AHNAK2: variants seen among roughly 807,000 people sequenced by gnomAD.
AHNAK2 encodes AHNAK nucleoprotein 2.
AHNAK2 carries 18 observed loss-of-function variants against 30.7 expected under a neutral mutation model. The ratio of observed to expected loss-of-function variants is 0.59; its 90% CI spans 0.41 to 0.87. The LOEUF (loss-of-function observed/expected upper bound fraction) is 0.87, where lower values mean the gene tolerates loss of function less well. Among genes scored for constraint, AHNAK2 ranks in the 40% least tolerant of loss-of-function variants. AHNAK2 has a pLI of 0.00. For missense variants in AHNAK2, 8,604 were observed against 7,373.0 expected (o/e 1.17, Z -6.11); for synonymous variants, 3,590 against 3,073.8 (o/e 1.17, Z -5.56).
Position 104,941,628 on chromosome 14 carries a change from G to C in AHNAK2, c.13823C>G (p.Ala4608Gly), listed in dbSNP as rs369348146. 2 of 1,613,426 alleles carry C rather than the reference G, an allele frequency of 1.2e-6. No individual in the cohort carries two copies. Among genetic ancestry groups the C allele is most frequent in the Middle Eastern group, 1.7e-4 (1 of 6,060 alleles). ...VQAPGSMLDGARLEGDLSLAH... is the reference protein window; with the variant it reads ...VQAPGSMLDGGRLEGDLSLAH... The stretch of plus-strand genomic sequence containing the variant: ...CAGGGACAGGTCCCCCTCAAGCCGC[G>C]CACCATCCAGCATGGATCCTGGGGC... The change falls in exon 7 of 7, where the codon GCG becomes GGG. Residue 4608 changes from alanine to glycine, a missense_variant. Coordinates refer to ENST00000333244, the MANE Select transcript of AHNAK2 (RefSeq NM_138420.4).
chr14:104,964,089 A>T (rs180874034), intron 1 of AHNAK2, among the ~76,000 whole-genome samples: 2 of 152,354 alleles, frequency 1.3e-5, no homozygotes, highest in East Asian at 3.9e-4. Flanking sequence ...TACCTGCAAT[A>T]CATTTACCAA....
Position 104,949,820 on chromosome 14 carries a change from A to G in AHNAK2, c.5631T>C (p.Ser1877=), listed in dbSNP as rs201221327. 894 of 1,583,496 alleles carry G rather than the reference A, an allele frequency of 5.6e-4. 100 individuals are homozygous for G. The African/African-American group carries it at 9.8e-3, about 17-fold the overall frequency. ...KTTDLCIPLP[S]ADLVVQAGQV... ...GGCCAGCCTGGACCACCAGGTCTGCAGAAGGGAGCGGAATGCAGAGGTCCG... is the reference window on the plus strand; with the variant it reads ...GGCCAGCCTGGACCACCAGGTCTGCGGAAGGGAGCGGAATGCAGAGGTCCG... The change falls in exon 7 of 7, where the codon TCT becomes TCC. Residue 1877 remains serine, a synonymous_variant. Coordinates refer to ENST00000333244, the MANE Select transcript of AHNAK2 (RefSeq NM_138420.4).
Position 104,938,520 on chromosome 14 carries a change from A to T in AHNAK2, c.16931T>A (p.Leu5644Gln). The change falls in exon 7 of 7, where the codon CTG becomes CAG. Residue 5644 changes from leucine (L) to glutamine (Q), a missense_variant. Coordinates refer to ENST00000333244, the MANE Select transcript of AHNAK2 (RefSeq NM_138420.4). ...AATGTTTGGAAGCCAAAACCAGAGC[A>T]GACCAGATTTTTTACTTTCTGGTTT... is the stretch of plus-strand genomic sequence containing the variant. ...KDKPESKKSGLLWFWLPNIGF... is the reference protein window; with the variant it reads ...KDKPESKKSGQLWFWLPNIGF... The T allele has an allele frequency of 6.2e-7, 1 of 1,613,658 alleles. No individual in the cohort carries two copies. Among genetic ancestry groups the T allele is most frequent in the Non-Finnish European group, 8.5e-7 (1 of 1,179,794 alleles).
At position 104,946,429 on chromosome 14, in the gene AHNAK2, C is replaced by T. The variant is rs533762807; in HGVS notation, c.9022G>A (p.Val3008Met). The stretch of plus-strand genomic sequence containing the variant: ...GAGGGGAGGCTCACTTCGGCCTCCA[C>T]CTTCGGCGCAGACACATCCACCGAG... ...EVSVDVSAPK[V>M]EAEVSLPSMQ... Residue 3008 changes from valine to methionine, a missense_variant, in exon 7 of 7, where the codon GTG (valine) becomes ATG (methionine). Val to Met is a conservative substitution (Grantham distance 21). Transcript: ENST00000333244. 8.7e-6 allele frequency: 14 copies of T among 1,612,390 alleles called. No individual in the cohort carries two copies. In the East Asian group the frequency reaches 1.3e-4, roughly 15 times the overall value.
rs761847400 is a variant in AHNAK2 at position 104,942,444 on chromosome 14, G to A, written c.13007C>T (p.Ser4336Phe). 2 of 1,613,116 alleles carry A rather than the reference G, an allele frequency of 1.2e-6. No homozygotes were observed. The highest frequency in any genetic ancestry group is 1.1e-5 in the South Asian group (1 of 91,040). Residue 4336 changes from serine (S) to phenylalanine (F), a missense_variant, in exon 7 of 7, where the codon TCC becomes TTC. Ser to Phe is a radical substitution (Grantham distance 155). Coordinates refer to ENST00000333244, the MANE Select transcript of AHNAK2 (RefSeq NM_138420.4). ...LKVEADVSLP[S>F]MQGDLKTTHL... ...AGTGGTCTTCAGGTCCCCCTGCATG[G>A]AGGGGAGGCTCACGTCAGCCTCCAC...
At position 104,940,172 on chromosome 14, in the gene AHNAK2, G is replaced by A; in HGVS notation, c.15279C>T (p.His5093=). 1.2e-6 allele frequency: 2 copies of A among 1,613,614 alleles called. No homozygotes were observed. Among genetic ancestry groups the A allele is most frequent in the Non-Finnish European group, 1.7e-6 (2 of 1,179,894 alleles). ...EGVNLHRPQV[H]IPSLGFAKPD... is the part of the protein sequence containing the mutation. ...GTTTGGCAAAGCCCAAACTGGGAAT[G>A]TGGACCTGTGGCCGGTGGAGGTTCA... The change falls in exon 7 of 7, where the codon CAC becomes CAT. Residue 5093 remains histidine (H), a synonymous_variant. Coordinates refer to ENST00000333244, the MANE Select transcript of AHNAK2 (RefSeq NM_138420.4). The surrounding 1 kb of genome is among the most constrained non-coding windows in gnomAD (Gnocchi z 4.4).
rs1043447123 is a variant in AHNAK2 at position 104,940,960 on chromosome 14, G to C, written c.14491C>G (p.Leu4831Val). The change falls in exon 7 of 7, where the codon CTG becomes GTG. Residue 4831 changes from leucine to valine, a missense_variant. Coordinates refer to ENST00000333244, the MANE Select transcript of AHNAK2 (RefSeq NM_138420.4). This position sits in a 1 kb window ranked among gnomAD's most constrained non-coding sequence, Gnocchi z 4.4. ...GTTGGAACTCCCTCTGGAGGCTGCA[G>C]GTCAGTGGAGCACTCTGTCTTGGGA... is the stretch of plus-strand genomic sequence containing the variant. ...PLPKTECSTD[L>V]QPPEGVPTSQ... The C allele has an allele frequency of 6.2e-6, 10 of 1,613,090 alleles. No individual in the cohort carries two copies. Among genetic ancestry groups the C allele is most frequent in the Non-Finnish European group, 7.6e-6 (9 of 1,179,842 alleles).
chr14:104,963,681 T>A, intron 1 of AHNAK2, among the ~76,000 whole-genome samples: 1 of 151,860 alleles, frequency 6.6e-6, no homozygotes, highest in Non-Finnish European at 1.5e-5. Flanking sequence ...ATACAAAAAA[T>A]TAGCCGGGTG....
chr14:104,949,772 C>T lies in AHNAK2; in HGVS notation c.5679G>A (p.Glu1893=), dbSNP rs1391538232. The T allele has an allele frequency of 7.6e-6, 12 of 1,587,630 alleles. No homozygotes were observed. The highest frequency in any genetic ancestry group is 1.0e-5 in the Non-Finnish European group (12 of 1,163,152). Residue 1893 remains glutamate (E), a synonymous_variant, in exon 7 of 7, where the codon GAG becomes GAA. Coordinates refer to ENST00000333244, the MANE Select transcript of AHNAK2 (RefSeq NM_138420.4). The part of the protein sequence containing the change: ...QAGQVDMKLP[E]GQVPEGAGLK... ...GGCCGGCTCCCTCGGGCACCTGGCC[C>T]TCCGGGAGCTTCATGTCCACTTGGC...
In AHNAK2 at chr14:104,944,933, G is replaced by A. The variant is rs199879973; in HGVS notation, c.10518C>T (p.Asp3506=). 120 of 1,613,074 alleles carry A rather than the reference G, an allele frequency of 7.4e-5. No homozygotes were observed. In the African/African-American group the frequency reaches 9.6e-4, roughly 13 times the overall value. Residue 3506 remains aspartate, a synonymous_variant, in exon 7 of 7, where the codon GAC becomes GAT. Transcript: ENST00000333244. ...CCCCCTGCATGGAGGAGAGGCTCAC[G>A]TCGGCCTCCACCTTCGGCGCAGACA... The part of the protein sequence containing the change: ...LDVSAPKVEA[D]VSLSSMQGDL...
Position 104,950,411 on chromosome 14 carries a change from C to G in AHNAK2, c.5040G>C (p.Ser1680=), listed in dbSNP as rs181161422. Residue 1680 remains serine, a synonymous_variant, in exon 7 of 7, where the codon TCG becomes TCC. Transcript: ENST00000333244. ...VSAPGKSIEA[S]VDVSEPKVEA... ...CCACCTTCGGCTCAGACACATCCACCGAGGCCTCGATGGACTTGCCTGGGG... is the reference window on the plus strand; with the variant it reads ...CCACCTTCGGCTCAGACACATCCACGGAGGCCTCGATGGACTTGCCTGGGG... The G allele has an allele frequency of 1.6e-4, 251 of 1,585,064 alleles. 22 individuals are homozygous for G. In the African/African-American group the frequency reaches 1.7e-3, roughly 11 times the overall value.
chr14:104,949,824 G>T lies in AHNAK2; in HGVS notation c.5627C>A (p.Pro1876His), dbSNP rs200570508. 2 of 1,586,666 alleles carry T rather than the reference G, an allele frequency of 1.3e-6. No individual in the cohort carries two copies. Among genetic ancestry groups the T allele is most frequent in the Non-Finnish European group, 1.7e-6 (2 of 1,162,934 alleles). The change falls in exon 7 of 7, where the codon CCT becomes CAT. Residue 1876 changes from proline (P) to histidine (H), a missense_variant. Physicochemically the swap from Pro to His is moderately conservative, Grantham distance 77 (BLOSUM62 -2). Coordinates refer to ENST00000333244, the MANE Select transcript of AHNAK2 (RefSeq NM_138420.4). Reference protein sequence around the residue: ...LKTTDLCIPLPSADLVVQAGQ... With the variant: ...LKTTDLCIPLHSADLVVQAGQ... The stretch of plus-strand genomic sequence containing the variant: ...AGCCTGGACCACCAGGTCTGCAGAA[G>T]GGAGCGGAATGCAGAGGTCCGTGGT...
At chr14:104,959,235 C>T (rs1203166954) in intron 1 of AHNAK2, among the ~76,000 whole-genome samples, 2 of 152,180 alleles carry the variant, frequency 1.3e-5, no homozygotes, top group African/African-American at 2.4e-5. Flanking sequence ...TGCAGTGGCA[C>T]GATCTTGGTT....
Position 104,951,594 on chromosome 14 carries a change from TCGTGGGC to T in AHNAK2, c.3850_3856del (p.Ala1284LysfsTer36), listed in dbSNP as rs762500092. The T allele has an allele frequency of 7.5e-5, 94 of 1,247,114 alleles. 26 individuals carry two copies. The highest frequency in any genetic ancestry group is 8.2e-5 in the Non-Finnish European group (72 of 880,808). 77.3% of individuals were successfully genotyped at this position (1,247,114 alleles called of 1,614,324 possible). A position where few individuals can be genotyped will look rare whatever the true frequency, so the allele number is the denominator to read the frequency against. ...CACACTGGGCAGAGACACAGCCACT[TCGTGGGC>T]CGTCACCTCTGCCTTATGACCTTTC... On this transcript the variant is annotated frameshift_variant, in exon 7 of 7. Coordinates refer to ENST00000333244, the MANE Select transcript of AHNAK2 (RefSeq NM_138420.4). LOFTEE classifies it low-confidence loss of function (END_TRUNC).
chr14:104,976,060 G>A (rs1345538579), intron 1 of AHNAK2, among the ~76,000 whole-genome samples: 3 of 152,144 alleles, frequency 2.0e-5, no homozygotes, highest in Non-Finnish European at 4.4e-5. Context: ...TTGGGGGGTC[G>A]TGGGAGGTGC....
In AHNAK2 at chr14:104,953,761, T is replaced by C. The variant is rs1566920312; in HGVS notation, c.1690A>G (p.Arg564Gly). Residue 564 changes from arginine to glycine, a missense_variant, in exon 7 of 7, where the codon AGG (arginine) becomes GGG (glycine). Transcript: ENST00000333244. Reference sequence around the variant, plus strand: ...CCCTTGTCCTGTTCCTCAGTGATCCTTGTCCTCTGTAGTCCTTCCTCTCCA... The same window carrying C: ...CCCTTGTCCTGTTCCTCAGTGATCCCTGTCCTCTGTAGTCCTTCCTCTCCA... Reference protein sequence around the residue: ...GDGEEGLQRTRITEEQDKGRE... With the variant: ...GDGEEGLQRTGITEEQDKGRE... 1.2e-6 allele frequency: 2 copies of C among 1,613,988 alleles called. No individual in the cohort carries two copies. Among genetic ancestry groups the C allele is most frequent in the Non-Finnish European group, 1.7e-6 (2 of 1,179,898 alleles).
intron 1 of AHNAK2, among the ~76,000 whole-genome samples, chr14:104,970,235 G>C (rs944912469): frequency 6.6e-6 from 1 of 152,172 alleles, no homozygotes; most frequent in Non-Finnish European, 1.5e-5. Context: ...CCCAGGAGAA[G>C]GGGCTCCGGG....
Position 104,944,429 on chromosome 14 carries a change from G to A in AHNAK2, c.11022C>T (p.Leu3674=), listed in dbSNP as rs1318014330. 1.9e-6 allele frequency: 3 copies of A among 1,612,846 alleles called. No homozygotes were observed. Among genetic ancestry groups the A allele is most frequent in the Non-Finnish European group, 2.5e-6 (3 of 1,179,560 alleles). Residue 3674 remains leucine, a synonymous_variant, in exon 7 of 7, where the codon CTC becomes CTT. Transcript: ENST00000333244. ...TCTTCAGGTCCCCCTGCATGGAGGG[G>A]AGACTCACATCGGCTTCCACCTTGG... ...SAPKVEADVS[L]PSMQGDLKTT...
rs1361208589 is a variant in AHNAK2 at position 104,955,133 on chromosome 14, G to A, written c.475C>T (p.Leu159=). 1.9e-6 allele frequency: 3 copies of A among 1,608,088 alleles called. No homozygotes were observed. The highest frequency in any genetic ancestry group is 2.5e-6 in the Non-Finnish European group (3 of 1,178,326). Residue 159 remains leucine (L), a synonymous_variant, in exon 6 of 7, where the codon CTG becomes TTG. Coordinates refer to ENST00000333244, the MANE Select transcript of AHNAK2 (RefSeq NM_138420.4). ...TCAAAGAACACGGTTGTACTGAGCA[G>A]CTGATCCCCTAGACCAAGAAAGAGC... ...KLFNLREGDQ[L]LSTTVFFENI... is the part of the protein sequence containing the mutation.
Sources: allele counts gnomAD v4.1 joint callset (sites outside exome capture counted in the v4.1 genomes callset), GRCh38; gene constraint gnomAD v4.1.1; non-coding constraint Gnocchi (gnomAD v3.1); transcripts MANE v1.5; gene names NCBI Gene and HGNC (gene_info 2026-07-23, HGNC 2026-07-21).